Variants in CAB39L observed in about 807,000 individuals in gnomAD.
The protein encoded by CAB39L is calcium binding protein 39 like.
CAB39L carries 23 observed loss-of-function variants against 39.1 expected under a neutral mutation model. That is an observed-to-expected ratio of 0.59 (90% CI 0.42 to 0.83). The LOEUF (loss-of-function observed/expected upper bound fraction) is 0.83. Ranked by LOEUF, CAB39L falls within the 40% of genes least tolerant of loss-of-function variation. The pLI, the probability that CAB39L is intolerant of heterozygous loss-of-function variation, is 0.00. For missense variants in CAB39L, 366 were observed against 391.9 expected (o/e 0.93, Z 0.56); for synonymous variants, 126 against 137.2 (o/e 0.92, Z 0.57).
Position 49,356,281 on chromosome 13 carries a change from TA to T in CAB39L, c.395+3432del, listed in dbSNP as rs113005731. On this transcript the variant is annotated intron_variant, in intron 6 of 10. Transcript: ENST00000409308. The stretch of plus-strand genomic sequence containing the variant: ...TGCTTAAAATTTTTTATAATAAACT[TA>T]AAAAAACAGGATAATTGGGAGAAAT... 2.1e-3 allele frequency among the ~76,000 whole-genome samples: 321 copies of T among 152,202 alleles called. 1 individual carries two copies. Among genetic ancestry groups the T allele is most frequent in the African/African-American group, 7.3e-3 (304 of 41,538 alleles).
At chr13:49,344,911 A>G (rs1403810820) in intron 7 of CAB39L, among the ~76,000 whole-genome samples, 1 of 152,184 alleles carries the variant, frequency 6.6e-6, no homozygotes, top group Non-Finnish European at 1.5e-5. Context: ...GCAAGTTACT[A>G]AGTAGCACAA....
At chr13:49,313,082 C>A (rs1954041370) in intron 10 of CAB39L, among the ~76,000 whole-genome samples, 1 of 152,148 alleles carries the variant, frequency 6.6e-6, no homozygotes, top group Non-Finnish European at 1.5e-5. Flanking sequence ...AATATCATCA[C>A]CTAGTTCAAA....
intron 3 of CAB39L, among the ~76,000 whole-genome samples, chr13:49,419,873 T>A (rs957407884): frequency 6.6e-6 from 1 of 152,178 alleles, no homozygotes; most frequent in Non-Finnish European, 1.5e-5. Context: ...AATGCCACAG[T>A]TGCAAAAGAG....
intron 3 of CAB39L, among the ~76,000 whole-genome samples, chr13:49,394,281 A>T (rs1363843051): frequency 6.6e-6 from 1 of 152,068 alleles, no homozygotes; most frequent in African/African-American, 2.4e-5. Flanking sequence ...GTTAATGAAC[A>T]TATTAGTAAA....
intron 3 of CAB39L, among the ~76,000 whole-genome samples, chr13:49,387,031 A>G (rs1956380615): frequency 6.6e-6 from 1 of 152,148 alleles, no homozygotes; most frequent in African/African-American, 2.4e-5. Context: ...CTACACAAAC[A>G]CAAGACACGT....
intron 9 of CAB39L, among the ~76,000 whole-genome samples, chr13:49,332,894 G>A (rs1654115844): frequency 6.6e-6 from 1 of 151,914 alleles, no homozygotes; most frequent in African/African-American, 2.4e-5. Context: ...TTATATAGAA[G>A]ATATGTTTAG....
chr13:49,323,664 T>G (rs763906956), intron 10 of CAB39L, among the ~76,000 whole-genome samples: 1 of 152,224 alleles, frequency 6.6e-6, no homozygotes, highest in Non-Finnish European at 1.5e-5. Context: ...CTAAATATAT[T>G]CACAAGTCAG....
intron 3 of CAB39L, among the ~76,000 whole-genome samples, chr13:49,392,386 C>T (rs1956508468): frequency 6.6e-6 from 1 of 152,030 alleles, no homozygotes; most frequent in Non-Finnish European, 1.5e-5. Flanking sequence ...CGCCTGTAAT[C>T]CCAGCACTCT....
intron 9 of CAB39L, among the ~76,000 whole-genome samples, chr13:49,333,573 T>C (rs796305454): frequency 0.086 from 11,731 of 136,584 alleles, 427 homozygotes; most frequent in Non-Finnish European, 0.12. Context: ...TCTTTCTTTT[T>C]TTTTTTTTTT....
rs190146866 is a variant in CAB39L, at chr13:49,383,564, T to C, written c.-31-623A>G. The stretch of plus-strand genomic sequence containing the variant: ...AGCCAAATGCATTCATGTATAGACA[T>C]ACCTAGGAGATACTGTAGGTTCAGT... On this transcript the variant is annotated intron_variant, in intron 3 of 10. Coordinates refer to ENST00000409308, the MANE Select transcript of CAB39L (RefSeq NM_001079670.3). Among the ~76,000 whole-genome samples the C allele has an allele frequency of 2.2e-3, 341 of 152,338 alleles. 3 individuals are homozygous for C. Among genetic ancestry groups the C allele is most frequent in the Non-Finnish European group, 3.8e-3 (256 of 68,026 alleles).
chr13:49,330,503 T>C lies in CAB39L; in HGVS notation c.834+1444A>G, dbSNP rs114936730. 3.3e-3 allele frequency among the ~76,000 whole-genome samples: 495 copies of C among 152,198 alleles called. 1 individual carries two copies. The highest frequency in any genetic ancestry group is 0.011 in the African/African-American group (448 of 41,542). ...AGCTGGGCGAGGTGGCACGTGTCTA[T>C]AGTCCCAGCTACTTAGAAGGCTGAG... is the stretch of plus-strand genomic sequence containing the variant. On this transcript the variant is annotated intron_variant, in intron 10 of 10. Transcript: ENST00000409308.
chr13:49,382,912 T>C lies in CAB39L; in HGVS notation c.-2A>G, dbSNP rs1241453377. Reference sequence around the variant, plus strand: ...ACTAAACAAAGGCATTTTTTTCATGTGTAGAAATCTCTTCTTCCAATATGG... The same window carrying C: ...ACTAAACAAAGGCATTTTTTTCATGCGTAGAAATCTCTTCTTCCAATATGG... On this transcript the variant is annotated 5_prime_UTR_variant, in exon 4 of 11. Coordinates refer to ENST00000409308, the MANE Select transcript of CAB39L (RefSeq NM_001079670.3). 6.5e-7 allele frequency: 1 copy of C among 1,548,476 alleles called. No homozygotes were observed. Among genetic ancestry groups the C allele is most frequent in the East Asian group, 2.3e-5 (1 of 44,344 alleles).
At chr13:49,353,519 T>G (rs1211080648) in intron 6 of CAB39L, among the ~76,000 whole-genome samples, 1 of 152,040 alleles carries the variant, frequency 6.6e-6, no homozygotes, top group Non-Finnish European at 1.5e-5. Context: ...AGCCCCTCAT[T>G]CCCTCAATTG....
At chr13:49,442,956 T>A (rs1455640308) in intron 1 of CAB39L, among the ~76,000 whole-genome samples, 1 of 152,064 alleles carries the variant, frequency 6.6e-6, no homozygotes, top group East Asian at 1.9e-4. Context: ...ATACATCGGC[T>A]TTCTTTTCAT....
rs1222385986 is a variant in CAB39L at position 49,378,353 on chromosome 13, G to A, written c.112-1222C>T. On this transcript the variant is annotated intron_variant, in intron 4 of 10. Transcript: ENST00000409308. ...CCGACCGGCCAGCCGTGCCATCCGG[G>A]AGGGAGGTGGGGGGGTCAGCCCCCC... Among the ~76,000 whole-genome samples the A allele has an allele frequency of 8.6e-5, 6 of 70,098 alleles. 2 individuals are homozygous for A. The highest frequency in any genetic ancestry group is 1.1e-4 in the Non-Finnish European group (4 of 34,804). The allele number at this position is 70,098 out of a possible 152,430, so 46.0% of individuals were successfully genotyped here.
intron 9 of CAB39L, among the ~76,000 whole-genome samples, chr13:49,334,469 CA>C (rs1220055139): frequency 1.3e-5 from 2 of 152,150 alleles, no homozygotes; most frequent in Non-Finnish European, 2.9e-5. Flanking sequence ...TCCCCAGCTC[CA>C]AAATCTTGAG....
chr13:49,344,280 A>G (rs1266196087), intron 7 of CAB39L, 42 bp from the exon 8 acceptor site: 3 of 1,108,722 alleles, frequency 2.7e-6, no homozygotes, highest in Admixed American at 1.8e-5. Flanking sequence ...TGTTATAGCT[A>G]TTAATATTAC....
Position 49,411,951 on chromosome 13 carries a change from G to A in CAB39L, c.-32+21367C>T, listed in dbSNP as rs553739997. Among the ~76,000 whole-genome samples the A allele has an allele frequency of 2.8e-4, 43 of 152,240 alleles. No individual in the cohort carries two copies. The South Asian group carries it at 6.4e-3, about 23-fold the overall frequency. On this transcript the variant is annotated intron_variant, in intron 3 of 10. Coordinates refer to ENST00000409308, the MANE Select transcript of CAB39L (RefSeq NM_001079670.3). ...AAAATGCTATGTAAACTGCATGACTGTTGCAAGCAGTTGGTTCTCTTGCCT... is the reference window on the plus strand; with the variant it reads ...AAAATGCTATGTAAACTGCATGACTATTGCAAGCAGTTGGTTCTCTTGCCT...
chr13:49,385,680 A>T (rs972455313), intron 3 of CAB39L, among the ~76,000 whole-genome samples: 1 of 152,126 alleles, frequency 6.6e-6, no homozygotes, highest in Non-Finnish European at 1.5e-5. Flanking sequence ...AGCCAGCCTA[A>T]TTTCAGTATT....
Sources: gnomAD v4.1 joint callset for allele counts (sites outside exome capture counted in the v4.1 genomes callset) on GRCh38, gnomAD v4.1.1 for gene constraint, MANE v1.5 for transcripts, NCBI Gene and HGNC (gene_info 2026-07-23, HGNC 2026-07-21) for gene names.